ZNF469: variants seen among roughly 807,000 people sequenced by gnomAD.
The protein encoded by ZNF469 is zinc finger protein 469.
A neutral mutation model predicts 1.0 loss-of-function variants in ZNF469; 1 was observed. The observed-to-expected ratio is 1.00, with a 90% CI of 0.35 to 4.73. The LOEUF is 4.73. Ranked by LOEUF, ZNF469 falls within the 30% of genes most tolerant of loss-of-function variation. The pLI is 0.16. For synonymous variants in ZNF469, 2,703 were observed against 2,363.4 expected (o/e 1.14, Z -4.17); for missense variants, 6,100 against 5,356.3 (o/e 1.14, Z -4.33).
chr16:88,420,780 C>G (rs954028018), intron 1 of ZNF469, among the ~76,000 whole-genome samples: 7 of 152,210 alleles, frequency 4.6e-5, no homozygotes, highest in African/African-American at 1.4e-4. Context: ...CCTGTGAGGT[C>G]AAGACTCTGA....
At chr16:88,332,404 C>G in the ZNF469 span, among the ~76,000 whole-genome samples, 2 of 152,250 alleles carry the variant, frequency 1.3e-5, no homozygotes, top group Non-Finnish European at 2.9e-5. Context: ...TCACCGCGTG[C>G]CCTGCCCCCT....
the ZNF469 span, among the ~76,000 whole-genome samples, chr16:88,264,902 C>A: frequency 3.9e-5 from 6 of 152,130 alleles, no homozygotes; most frequent in Non-Finnish European, 2.9e-5. Context: ...TGAGGGTGAC[C>A]GTGGCCTCTC....
At chr16:88,380,182 A>AATGCACTCACACACAGAC (rs1405269640), upstream of ZNF469, among the ~76,000 whole-genome samples, 3,378 of 97,312 alleles carry the variant, frequency 0.035, 111 homozygotes, top group Admixed American at 0.12. Context: ...CTCACACACA[A>AATGCACTCACACACAGAC]ATGCACTCAC....
At chr16:88,274,610 T>A in the ZNF469 span, among the ~76,000 whole-genome samples, 1 of 152,252 alleles carries the variant, frequency 6.6e-6, no homozygotes. Context: ...GATCGGGCTC[T>A]GGTGACATGC....
At chr16:88,318,272 A>C in the ZNF469 span, among the ~76,000 whole-genome samples, 3 of 152,196 alleles carry the variant, frequency 2.0e-5, no homozygotes, top group Non-Finnish European at 2.9e-5. Flanking sequence ...CAAAGCCCCC[A>C]GTGGGCCCGG....
At chr16:88,426,771 T>A (rs1456906558) in intron 2 of ZNF469, among the ~76,000 whole-genome samples, 1 of 152,142 alleles carries the variant, frequency 6.6e-6, no homozygotes, top group Non-Finnish European at 1.5e-5. Context: ...AGACCCTGGC[T>A]GACGGCAGGG....
At chr16:88,240,689 C>T in the ZNF469 span, among the ~76,000 whole-genome samples, 9 of 152,256 alleles carry the variant, frequency 5.9e-5, no homozygotes, top group African/African-American at 1.2e-4. Flanking sequence ...GGAAATTAAC[C>T]GCTCCAGGTG....
chr16:88,251,014 A>G, the ZNF469 span, among the ~76,000 whole-genome samples: 3 of 152,094 alleles, frequency 2.0e-5, no homozygotes, highest in Non-Finnish European at 2.9e-5. Context: ...AGTAGCTGGG[A>G]CTACAGGCAC....
At chr16:88,229,576 C>T in the ZNF469 span, among the ~76,000 whole-genome samples, 106,558 of 143,160 alleles carry the variant, frequency 0.74, 40,617 homozygotes, top group Non-Finnish European at 0.86. Flanking sequence ...CACGCTTGTG[C>T]GCTGATGTCA....
the ZNF469 span, among the ~76,000 whole-genome samples, chr16:88,251,118 T>G: frequency 6.6e-6 from 1 of 152,202 alleles, no homozygotes; most frequent in African/African-American, 2.4e-5. Context: ...CCTCAGGTGA[T>G]CCACCCGCCT....
chr16:88,197,209 G>T, the ZNF469 span, among the ~76,000 whole-genome samples: 1 of 152,192 alleles, frequency 6.6e-6, no homozygotes, highest in Non-Finnish European at 1.5e-5. Flanking sequence ...TGCCCCTTTG[G>T]CCTCCGAGTG....
the ZNF469 span, among the ~76,000 whole-genome samples, chr16:88,174,105 C>A: frequency 6.6e-6 from 1 of 151,972 alleles, no homozygotes; most frequent in African/African-American, 2.4e-5. Context: ...ACAAGAAATG[C>A]AATTTAAATA....
chr16:88,200,385 C>G, the ZNF469 span, among the ~76,000 whole-genome samples: 2 of 152,210 alleles, frequency 1.3e-5, no homozygotes, highest in Non-Finnish European at 2.9e-5. Context: ...AAACCACACG[C>G]TCCAATGCTC....
At chr16:88,334,888 C>T in the ZNF469 span, among the ~76,000 whole-genome samples, 51 of 149,584 alleles carry the variant, frequency 3.4e-4, no homozygotes, top group African/African-American at 1.2e-3. Flanking sequence ...AAGATGCCGA[C>T]GGAACGACAC....
At chr16:88,292,544 G>A in the ZNF469 span, among the ~76,000 whole-genome samples, 1 of 152,112 alleles carries the variant, frequency 6.6e-6, no homozygotes, top group Non-Finnish European at 1.5e-5. Context: ...GACGCACGTG[G>A]GGAAGGGTCA....
At chr16:88,210,600 A>G in the ZNF469 span, among the ~76,000 whole-genome samples, 1 of 152,196 alleles carries the variant, frequency 6.6e-6, no homozygotes, top group African/African-American at 2.4e-5. Flanking sequence ...TTTATTTTTT[A>G]TGTATAGTAT....
At chr16:88,355,197 C>T in the ZNF469 span, among the ~76,000 whole-genome samples, 3 of 152,216 alleles carry the variant, frequency 2.0e-5, no homozygotes, top group Non-Finnish European at 4.4e-5. Flanking sequence ...TATCACGCCC[C>T]CTCCCAGAGT....
At chr16:88,123,197 G>A in the ZNF469 span, among the ~76,000 whole-genome samples, 31 of 152,174 alleles carry the variant, frequency 2.0e-4, no homozygotes, top group South Asian at 4.2e-4. Flanking sequence ...GCCCCAACCC[G>A]TCTGCTTTCC....
At chr16:88,343,074 A>G in the ZNF469 span, among the ~76,000 whole-genome samples, 2 of 152,220 alleles carry the variant, frequency 1.3e-5, no homozygotes, top group African/African-American at 4.8e-5. Flanking sequence ...GTCCTGTCTC[A>G]CACCCCTTGT....
Sources: gnomAD v4.1 joint callset for allele counts (sites outside exome capture counted in the v4.1 genomes callset) on GRCh38, gnomAD v4.1.1 for gene constraint, MANE v1.5 for transcripts, NCBI Gene and HGNC (gene_info 2026-07-23, HGNC 2026-07-21) for gene names.